The following CRIM1 variants were observed in gnomAD, a reference collection of about 807,000 sequenced individuals.
CRIM1 encodes cysteine rich transmembrane BMP regulator 1.
Under a neutral mutation model 116.4 loss-of-function variants are expected in CRIM1, and 32 were observed. The ratio of observed to expected loss-of-function variants is 0.27; its 90% confidence interval spans 0.21 to 0.37. The LOEUF is 0.37. CRIM1 is among the 10% of genes least tolerant of loss of function. CRIM1 has a pLI of 1.00. For synonymous variants in CRIM1, 590 were observed against 509.2 expected, an observed-to-expected ratio of 1.16 and a Z score of -2.13; for missense variants, 1,331 against 1,354.8, an observed-to-expected ratio of 0.98 and a Z score of 0.28.
At chr2:36,529,050 C>T in intron 13 of CRIM1, 4 of 468,530 alleles carry the variant, frequency 8.5e-6, no homozygotes, top group South Asian at 6.2e-5. Flanking sequence ...GCTCCAGCCC[C>T]ACGTTCTTAA....
intron 12 of CRIM1, among the ~76,000 whole-genome samples, chr2:36,519,384 C>T (rs761763403): frequency 6.6e-6 from 1 of 152,124 alleles, no homozygotes; most frequent in East Asian, 1.9e-4. Flanking sequence ...CTGGCTTTGA[C>T]TTCTCATTCA....
Position 36,550,874 on chromosome 2 carries a change from G to GAT in CRIM1, c.*2177_*2178dup, listed in dbSNP as rs1239373164. On this transcript the variant is annotated 3_prime_UTR_variant, in exon 17 of 17. Transcript: ENST00000280527. ...GGCCATATTATGAAAATACTAACAGGATATAGGACAAGGTGTAAATTTTTT... is the reference window on the plus strand; with the variant it reads ...GGCCATATTATGAAAATACTAACAGGATATATAGGACAAGGTGTAAATTTTTT... 6.6e-6 allele frequency: 1 copy of GAT among 152,420 alleles called. No individual in the cohort carries two copies. Among genetic ancestry groups the GAT allele is most frequent in the Non-Finnish European group, 1.5e-5 (1 of 67,988 alleles). The allele number at this position is 152,420 out of a possible 1,614,324, so 9.4% of individuals were successfully genotyped here. A position where few individuals can be genotyped will look rare whatever the true frequency, so the allele number is the denominator to read the frequency against.
At chr2:36,377,177 C>CT (rs1293845456) in intron 1 of CRIM1, among the ~76,000 whole-genome samples, 1 of 152,226 alleles carries the variant, frequency 6.6e-6, no homozygotes. Flanking sequence ...TGACAGCTCA[C>CT]TGGTGGCGCT....
chr2:36,470,475 C>T (rs1373745911), intron 5 of CRIM1, among the ~76,000 whole-genome samples: 1 of 152,168 alleles, frequency 6.6e-6, no homozygotes, highest in African/African-American at 2.4e-5. Flanking sequence ...GGGGCTAATG[C>T]AGCTGATAAC....
chr2:36,411,724 A>T (rs571417065), intron 2 of CRIM1, among the ~76,000 whole-genome samples: 1 of 152,060 alleles, frequency 6.6e-6, no homozygotes, highest in South Asian at 2.1e-4. Context: ...CAGTGCCGAT[A>T]ATAGTGTTAC....
At chr2:36,432,661 T>TA (rs1445421162) in intron 2 of CRIM1, among the ~76,000 whole-genome samples, 1 of 151,992 alleles carries the variant, frequency 6.6e-6, no homozygotes, top group Admixed American at 6.6e-5. Context: ...CAGGGAACAC[T>TA]AGTTGGATCC....
At position 36,441,261 on chromosome 2, in the gene CRIM1, A is replaced by C. The variant is rs1675798765; in HGVS notation, c.509A>C (p.Glu170Ala). ...CLSALKRIEE[E>A]KPDCSKARCE... ...AAATTCTTTCTCTCCCTTTTAGAAG[A>C]GAAGCCAGATTGCTCCAAGGCCCGC... The change falls in exon 3 of 17, where the codon GAG becomes GCG. Residue 170 changes from glutamate to alanine, a missense_variant. This residue lies in a region of CRIM1 where 690 missense variants were observed against 676.0 expected (regional missense o/e 1.02). Transcript: ENST00000280527. 6.2e-7 allele frequency: 1 copy of C among 1,614,174 alleles called. No homozygotes were observed. Among genetic ancestry groups the C allele is most frequent in the Non-Finnish European group, 8.5e-7 (1 of 1,180,012 alleles).
intron 5 of CRIM1, among the ~76,000 whole-genome samples, chr2:36,473,345 A>C (rs1678691605): frequency 6.6e-6 from 1 of 152,112 alleles, no homozygotes; most frequent in South Asian, 2.1e-4. Flanking sequence ...TCAGCTTGGG[A>C]GTACTTTTTT....
rs941635166 is a variant in CRIM1, at chr2:36,549,585, G to C, written c.*884G>C. 1 of 152,380 alleles carries C rather than the reference G, an allele frequency of 6.6e-6. No homozygotes were observed. Among genetic ancestry groups the C allele is most frequent in the African/African-American group, 2.4e-5 (1 of 41,486 alleles). The allele number at this position is 152,380 out of a possible 1,614,324, so 9.4% of individuals were successfully genotyped here. On this transcript the variant is annotated 3_prime_UTR_variant, in exon 17 of 17. Transcript: ENST00000280527. ...GTTGCTTTGTTCTGTTATATTGTTG[G>C]TTGTTCATAGTTTTTGTTGAAGCTC... is the stretch of plus-strand genomic sequence containing the variant.
In CRIM1 at chr2:36,529,081, G is replaced by A. The variant is rs1194860641; in HGVS notation, c.2428+6768G>A. The A allele has an allele frequency of 2.1e-5, 10 of 470,748 alleles. No individual in the cohort carries two copies. The East Asian group carries it at 4.2e-4, about 20-fold the overall frequency. 29.2% of individuals were successfully genotyped at this position (470,748 alleles called of 1,614,324 possible). On this transcript the variant is annotated intron_variant, in intron 13 of 16. Coordinates refer to ENST00000280527, the MANE Select transcript of CRIM1 (RefSeq NM_016441.3). ...CTTAATTTAAAGAGCTCTGCTGCACGGAAGTTAGGCTGCTGCACTGCTATT... is the reference window on the plus strand; with the variant it reads ...CTTAATTTAAAGAGCTCTGCTGCACAGAAGTTAGGCTGCTGCACTGCTATT...
chr2:36,518,960 A>G (rs1018816263), intron 12 of CRIM1, among the ~76,000 whole-genome samples: 5 of 152,230 alleles, frequency 3.3e-5, no homozygotes, highest in African/African-American at 1.2e-4. Context: ...TCCTGGAGCA[A>G]TAGCCGAAAA....
At chr2:36,449,371 C>T (rs1326888716) in intron 4 of CRIM1, among the ~76,000 whole-genome samples, 2 of 152,192 alleles carry the variant, frequency 1.3e-5, no homozygotes, top group African/African-American at 4.8e-5. Context: ...CCACCAGGCC[C>T]TCTCCAGTCC....
At chr2:36,488,844 A>T (rs573355857) in intron 7 of CRIM1, among the ~76,000 whole-genome samples, 24 of 152,282 alleles carry the variant, frequency 1.6e-4, no homozygotes, top group Non-Finnish European at 3.1e-4. Context: ...ACAACTAAGA[A>T]TCCTCAAGAT....
At chr2:36,429,746 C>A (rs1443993641) in intron 2 of CRIM1, among the ~76,000 whole-genome samples, 1 of 152,200 alleles carries the variant, frequency 6.6e-6, no homozygotes, top group Non-Finnish European at 1.5e-5. Context: ...GTTAGAAGCA[C>A]ACATCCTGAG....
chr2:36,496,059 C>G (rs1680570854), intron 7 of CRIM1, among the ~76,000 whole-genome samples: 1 of 152,070 alleles, frequency 6.6e-6, no homozygotes, highest in Non-Finnish European at 1.5e-5. Context: ...CAACTAGTTG[C>G]CTGCAAATGT....
At chr2:36,405,340 C>G in intron 2 of CRIM1, among the ~76,000 whole-genome samples, 1 of 152,160 alleles carries the variant, frequency 6.6e-6, no homozygotes, top group East Asian at 1.9e-4. Context: ...CACTTTTCAG[C>G]TGTAGCAAGA....
At chr2:36,520,085 A>G (rs964348559) in intron 12 of CRIM1, among the ~76,000 whole-genome samples, 1 of 152,176 alleles carries the variant, frequency 6.6e-6, no homozygotes, top group African/African-American at 2.4e-5. Context: ...TCCAAATGAC[A>G]TTGTCGGTCA....
At chr2:36,441,616 C>A in intron 3 of CRIM1, 116 bp downstream of exon 3, 1 of 1,327,768 alleles carries the variant, frequency 7.5e-7, no homozygotes, top group African/African-American at 1.4e-5. Flanking sequence ...TCACCGGTGT[C>A]CTGTGAATCT....
At chr2:36,427,742 C>T (rs1674569585) in intron 2 of CRIM1, among the ~76,000 whole-genome samples, 1 of 152,236 alleles carries the variant, frequency 6.6e-6, no homozygotes, top group South Asian at 2.1e-4. Context: ...GGTTGTTCCT[C>T]ATGGGCGCTC....
Sources: gnomAD v4.1 joint callset for allele counts (sites outside exome capture counted in the v4.1 genomes callset) on GRCh38, gnomAD v4.1.1 for gene constraint, gnomAD v4.1.1 regional missense constraint, MANE v1.5 for transcripts, NCBI Gene and HGNC (gene_info 2026-07-23, HGNC 2026-07-21) for gene names.